The following FOXP1 variants were observed in gnomAD, a reference collection of about 807,000 sequenced individuals.
FOXP1 encodes the protein forkhead box protein P1.
In FOXP1, 15 loss-of-function variants were observed where a neutral mutation model predicts 98.2. The ratio of observed to expected loss-of-function variants is 0.15; its 90% CI spans 0.10 to 0.24. The LOEUF (loss-of-function observed/expected upper bound fraction) is 0.24, where lower values mean the gene tolerates loss of function less well. Ranked by LOEUF, FOXP1 falls within the 10% of genes least tolerant of loss-of-function variation. FOXP1 has a pLI of 1.00. For synonymous variants in FOXP1, 371 were observed against 314.5 expected (o/e 1.18, Z -1.90); for missense variants, 633 against 848.5 (o/e 0.75, Z 3.15).
intron 3 of FOXP1, among the ~76,000 whole-genome samples, chr3:71,453,682 G>A (rs545751896): frequency 1.3e-5 from 2 of 152,178 alleles, no homozygotes; most frequent in South Asian, 2.1e-4. Flanking sequence ...TCTTATTCTC[G>A]TTGAAGAAAT....
intron 6 of FOXP1, among the ~76,000 whole-genome samples, chr3:71,128,208 T>C (rs2059345620): frequency 6.6e-6 from 1 of 152,050 alleles, no homozygotes; most frequent in Admixed American, 6.5e-5. Context: ...GAAAATCATG[T>C]TCCGGTATTT....
At chr3:71,406,022 G>A (rs1473592598) in intron 3 of FOXP1, among the ~76,000 whole-genome samples, 5 of 152,054 alleles carry the variant, frequency 3.3e-5, no homozygotes, top group Admixed American at 1.3e-4. Context: ...GAGCCACCAC[G>A]CCCAGCCAGG....
At chr3:71,340,256 G>A (rs1314761954) in intron 4 of FOXP1, among the ~76,000 whole-genome samples, 4 of 152,224 alleles carry the variant, frequency 2.6e-5, no homozygotes. Flanking sequence ...TAGCATCAGT[G>A]TCTAAGTAGA....
chr3:71,430,314 CA>C (rs2084588040), intron 3 of FOXP1, among the ~76,000 whole-genome samples: 1 of 152,116 alleles, frequency 6.6e-6, no homozygotes, highest in South Asian at 2.1e-4. Context: ...TGAGCAGGCG[CA>C]AATCTGGTGC....
intron 7 of FOXP1, among the ~76,000 whole-genome samples, chr3:71,071,950 TA>T (rs1346968541): frequency 1.3e-5 from 2 of 152,196 alleles, no homozygotes; most frequent in Non-Finnish European, 2.9e-5. Flanking sequence ...ACCTATCATG[TA>T]CCAAGTGCAC....
chr3:71,505,655 G>A (rs1160958057), intron 2 of FOXP1, among the ~76,000 whole-genome samples: 1 of 152,106 alleles, frequency 6.6e-6, no homozygotes, highest in East Asian at 1.9e-4. Context: ...TCGATCTCCT[G>A]ACCTCATGAT....
intron 2 of FOXP1, among the ~76,000 whole-genome samples, chr3:71,539,446 G>A (rs374576145): frequency 8.6e-5 from 13 of 151,124 alleles, no homozygotes; most frequent in African/African-American, 2.9e-4. Flanking sequence ...CAAGTGTTTT[G>A]GCTATTCTGG....
rs995758633 is a variant in FOXP1, at chr3:71,006,527, G to A, written c.975-5468C>T. ...GGTTTTTAACTACTTTTATTGAAAG[G>A]AAAATCGCTGTCTCAGACTTTTGTG... is the stretch of plus-strand genomic sequence containing the variant. On this transcript the variant is annotated intron_variant, in intron 12 of 20. Transcript: ENST00000649528. 3.3e-5 allele frequency among the ~76,000 whole-genome samples: 5 copies of A among 152,204 alleles called. No homozygotes were observed. The East Asian group carries it at 9.6e-4, about 29-fold the overall frequency.
At chr3:71,468,753 G>A (rs1321912522) in intron 3 of FOXP1, among the ~76,000 whole-genome samples, 1 of 152,084 alleles carries the variant, frequency 6.6e-6, no homozygotes, top group Non-Finnish European at 1.5e-5. Flanking sequence ...CTCTTTCATG[G>A]ACTCTCATTA....
intron 5 of FOXP1, among the ~76,000 whole-genome samples, chr3:71,271,310 A>AAGAG (rs1346542381): frequency 6.6e-6 from 1 of 152,234 alleles, no homozygotes; most frequent in Non-Finnish European, 1.5e-5. Flanking sequence ...GGAGAGAGAA[A>AAGAG]AGACAAAAAA....
intron 5 of FOXP1, among the ~76,000 whole-genome samples, chr3:71,268,282 T>A (rs1247791194): frequency 6.6e-6 from 1 of 151,644 alleles, no homozygotes; most frequent in East Asian, 2.0e-4. Flanking sequence ...TAAATTGCCA[T>A]CAGCTAGATG....
intron 3 of FOXP1, among the ~76,000 whole-genome samples, chr3:71,473,192 A>C (rs2089514060): frequency 6.6e-6 from 1 of 152,188 alleles, no homozygotes; most frequent in East Asian, 1.9e-4. Flanking sequence ...TTAACAGAGG[A>C]AGATAAAAAG....
intron 5 of FOXP1, among the ~76,000 whole-genome samples, chr3:71,258,246 T>A (rs548005448): frequency 2.0e-5 from 3 of 151,912 alleles, no homozygotes; most frequent in Admixed American, 2.0e-4. Context: ...ACAGGCTGGG[T>A]TCAATTGAAA....
At chr3:71,150,517 A>G (rs1431494253) in intron 6 of FOXP1, among the ~76,000 whole-genome samples, 1 of 152,168 alleles carries the variant, frequency 6.6e-6, no homozygotes, top group Non-Finnish European at 1.5e-5. Context: ...CTCGATACTT[A>G]TCTTACTCAT....
intron 7 of FOXP1, among the ~76,000 whole-genome samples, chr3:71,069,757 G>A (rs541849447): frequency 6.6e-6 from 1 of 152,172 alleles, no homozygotes; most frequent in Non-Finnish European, 1.5e-5. Flanking sequence ...GGGCACTGAA[G>A]GGGAAAGAAA....
chr3:71,076,940 A>G (rs2053859029), intron 7 of FOXP1, among the ~76,000 whole-genome samples: 1 of 152,194 alleles, frequency 6.6e-6, no homozygotes, highest in Admixed American at 6.5e-5. Flanking sequence ...GTGGATCTCT[A>G]ATATGTCTCT....
intron 11 of FOXP1, among the ~76,000 whole-genome samples, chr3:71,037,428 TAGAC>T (rs1344979405): frequency 6.6e-6 from 1 of 152,132 alleles, no homozygotes; most frequent in Non-Finnish European, 1.5e-5. Flanking sequence ...GCAAGACAAT[TAGAC>T]AGGGAAACAA....
chr3:71,047,669 T>G (rs1237348639), intron 9 of FOXP1, among the ~76,000 whole-genome samples: 1 of 152,220 alleles, frequency 6.6e-6, no homozygotes, highest in Admixed American at 6.5e-5. Context: ...CCACTAGATT[T>G]TAATTACACA....
intron 18 of FOXP1, chr3:70,972,106 T>A: frequency 6.5e-7 from 1 of 1,533,118 alleles, no homozygotes. Flanking sequence ...CATCATCAAC[T>A]GTCCAAAAGG....
Sources: gnomAD v4.1 joint callset for allele counts (sites outside exome capture counted in the v4.1 genomes callset) on GRCh38, gnomAD v4.1.1 for gene constraint, MANE v1.5 for transcripts, NCBI Gene and HGNC (gene_info 2026-07-23, HGNC 2026-07-21) for gene names.